EDIL3: variants seen among roughly 807,000 people sequenced by gnomAD.
EDIL3 encodes EGF-like repeat and discoidin I-like domain-containing protein 3.
EDIL3 carries 37 observed loss-of-function variants against 67.4 expected under a neutral mutation model. That is an observed-to-expected ratio of 0.55 (90% CI 0.42 to 0.72). EDIL3 has a LOEUF of 0.72. Ranked by LOEUF, EDIL3 falls within the 30% of genes least tolerant of loss-of-function variation. EDIL3 has a pLI of 0.00. For missense variants in EDIL3, 527 were observed against 586.3 expected (o/e 0.90, Z 1.04); for synonymous variants, 195 against 196.3 (o/e 0.99, Z 0.05).
intron 1 of EDIL3, among the ~76,000 whole-genome samples, chr5:84,298,906 C>G (rs1746100941): frequency 6.6e-6 from 1 of 152,118 alleles, no homozygotes; most frequent in Admixed American, 6.5e-5. Context: ...AAGGATCAGC[C>G]CTGTGGCTGC....
chr5:83,999,714 G>T (rs575139531), intron 9 of EDIL3, among the ~76,000 whole-genome samples: 19 of 152,212 alleles, frequency 1.2e-4, no homozygotes, highest in African/African-American at 4.6e-4. Context: ...GGAGATAGGA[G>T]TAGAAAGTTT....
At chr5:84,240,999 A>G (rs753034946) in intron 2 of EDIL3, among the ~76,000 whole-genome samples, 66 of 152,218 alleles carry the variant, frequency 4.3e-4, no homozygotes, top group Non-Finnish European at 7.5e-4. Context: ...TACAGATTAA[A>G]TAAATTTCCA....
chr5:84,099,259 T>C (rs1747318337), intron 6 of EDIL3, among the ~76,000 whole-genome samples: 1 of 152,120 alleles, frequency 6.6e-6, no homozygotes, highest in Admixed American at 6.6e-5. Context: ...ACTTTAAATT[T>C]CATACAGAAC....
At chr5:84,052,646 AG>A (rs1427843313) in intron 9 of EDIL3, among the ~76,000 whole-genome samples, 11 of 152,312 alleles carry the variant, frequency 7.2e-5, no homozygotes, top group African/African-American at 2.2e-4. Flanking sequence ...AAAAAAAGGC[AG>A]GGGTTGCAAT....
At chr5:84,118,413 T>C (rs1355363518) in intron 5 of EDIL3, among the ~76,000 whole-genome samples, 2 of 152,202 alleles carry the variant, frequency 1.3e-5, no homozygotes. Context: ...CATCAGATCA[T>C]ACAATTTACA....
chr5:83,993,356 T>C (rs2112161543), intron 9 of EDIL3, among the ~76,000 whole-genome samples: 1 of 152,308 alleles, frequency 6.6e-6, no homozygotes, highest in South Asian at 2.1e-4. Context: ...ATTTCTTGAC[T>C]TTATAAAAGG....
At chr5:84,041,530 G>GA (rs1461508509) in intron 9 of EDIL3, among the ~76,000 whole-genome samples, 5 of 147,082 alleles carry the variant, frequency 3.4e-5, no homozygotes, top group Non-Finnish European at 7.4e-5. Flanking sequence ...ACAGCTTGTA[G>GA]AAAATGTGTG....
At chr5:83,959,348 A>T (rs1744568990) in intron 10 of EDIL3, among the ~76,000 whole-genome samples, 2 of 150,746 alleles carry the variant, frequency 1.3e-5, no homozygotes, top group Admixed American at 1.3e-4. Context: ...GTAAACCTAG[A>T]AAACTGCATT....
chr5:84,266,825 G>A (rs1261517875), intron 1 of EDIL3, among the ~76,000 whole-genome samples: 3 of 151,958 alleles, frequency 2.0e-5, no homozygotes, highest in Non-Finnish European at 4.4e-5. Flanking sequence ...TATACCCTTG[G>A]ATTCTTCTAT....
chr5:84,195,839 T>C (rs932987116), intron 3 of EDIL3, among the ~76,000 whole-genome samples: 1 of 152,002 alleles, frequency 6.6e-6, no homozygotes, highest in African/African-American at 2.4e-5. Context: ...ATTTATGTCA[T>C]AGAACTTGAA....
intron 3 of EDIL3, among the ~76,000 whole-genome samples, chr5:84,188,141 T>C (rs1393346019): frequency 2.0e-5 from 3 of 152,092 alleles, no homozygotes; most frequent in Non-Finnish European, 4.4e-5. Flanking sequence ...ACTATCTTTA[T>C]ATACGTCTGT....
intron 1 of EDIL3, among the ~76,000 whole-genome samples, chr5:84,301,356 A>C (rs1746159398): frequency 6.6e-6 from 1 of 152,166 alleles, no homozygotes; most frequent in East Asian, 1.9e-4. Context: ...AAACTCCTGA[A>C]GCAAAATGAA....
At chr5:84,001,152 T>C (rs1745323201) in intron 9 of EDIL3, among the ~76,000 whole-genome samples, 2 of 152,246 alleles carry the variant, frequency 1.3e-5, no homozygotes, top group African/African-American at 2.4e-5. Flanking sequence ...GTTCAAGCAA[T>C]TCTCCTGCCT....
intron 1 of EDIL3, among the ~76,000 whole-genome samples, chr5:84,378,452 G>A (rs1580112283): frequency 6.6e-6 from 1 of 152,028 alleles, no homozygotes; most frequent in East Asian, 1.9e-4. Flanking sequence ...TATACTATTC[G>A]AGTCTCCTCT....
intron 3 of EDIL3, among the ~76,000 whole-genome samples, chr5:84,211,313 C>T (rs930267576): frequency 3.9e-5 from 6 of 152,140 alleles, no homozygotes; most frequent in African/African-American, 7.2e-5. Context: ...TCTCCTTTCT[C>T]GCCCTGTAAT....
intron 1 of EDIL3, among the ~76,000 whole-genome samples, chr5:84,373,386 A>G (rs1305722865): frequency 6.6e-6 from 1 of 152,132 alleles, no homozygotes; most frequent in African/African-American, 2.4e-5. Flanking sequence ...AATTACCAAA[A>G]TTTTAATTAC....
chr5:83,973,934 T>C (rs1392434281), intron 9 of EDIL3, among the ~76,000 whole-genome samples: 1 of 152,038 alleles, frequency 6.6e-6, no homozygotes, highest in African/African-American at 2.4e-5. Flanking sequence ...ATTGCATAAC[T>C]AAGTATTAGG....
At chr5:84,220,670 T>C (rs1427705688) in intron 3 of EDIL3, among the ~76,000 whole-genome samples, 1 of 152,208 alleles carries the variant, frequency 6.6e-6, no homozygotes, top group African/African-American at 2.4e-5. Flanking sequence ...TTTGTTCATG[T>C]ATCAACACCT....
intron 3 of EDIL3, among the ~76,000 whole-genome samples, chr5:84,193,255 C>T (rs1188446419): frequency 2.6e-5 from 4 of 151,672 alleles, no homozygotes; most frequent in East Asian, 1.9e-4. Context: ...CTTGTCCAGG[C>T]GAAGTGTGAT....
Sources: allele counts gnomAD v4.1 joint callset (sites outside exome capture counted in the v4.1 genomes callset), GRCh38; gene constraint gnomAD v4.1.1; transcripts MANE v1.5; gene names NCBI Gene and HGNC (gene_info 2026-07-23, HGNC 2026-07-21).